The following HPSE2 variants were observed in gnomAD, a reference collection of about 807,000 sequenced individuals.
The protein encoded by HPSE2 is heparanase 2 (inactive), also known as inactive heparanase-2.
A neutral mutation model predicts 60.5 loss-of-function variants in HPSE2; 38 were observed. The observed-to-expected ratio is 0.63, with a 90% CI of 0.48 to 0.82. The LOEUF is 0.82. HPSE2 is among the 40% of genes least tolerant of loss of function. The pLI, the probability that HPSE2 is intolerant of heterozygous loss-of-function variation, is 0.00. For missense variants in HPSE2, 713 were observed against 740.4 expected (o/e 0.96, Z 0.43); for synonymous variants, 295 against 293.2 (o/e 1.01, Z -0.06).
chr10:99,139,351 A>G (rs1845780156), intron 3 of HPSE2, among the ~76,000 whole-genome samples: 1 of 152,172 alleles, frequency 6.6e-6, no homozygotes, highest in Non-Finnish European at 1.5e-5. Context: ...TACTCAAGTG[A>G]CGGGTGCACT....
intron 2 of HPSE2, among the ~76,000 whole-genome samples, chr10:99,211,326 T>C (rs1192595210): frequency 6.6e-6 from 1 of 152,112 alleles, no homozygotes; most frequent in African/African-American, 2.4e-5. Context: ...AAAATCCCAA[T>C]GGTATTTTTC....
chr10:98,493,754 C>T (rs1941737250), intron 9 of HPSE2, among the ~76,000 whole-genome samples: 1 of 152,168 alleles, frequency 6.6e-6, no homozygotes, highest in Admixed American at 6.5e-5. Context: ...CTGCCAACCT[C>T]TGTCTTTTGA....
At chr10:99,096,370 T>C (rs1366542804) in intron 3 of HPSE2, among the ~76,000 whole-genome samples, 1 of 152,212 alleles carries the variant, frequency 6.6e-6, no homozygotes, top group Non-Finnish European at 1.5e-5. Context: ...TGGGCACTTA[T>C]CTAAGTGCTT....
chr10:99,139,315 A>T (rs1487278470), intron 3 of HPSE2, among the ~76,000 whole-genome samples: 1 of 152,114 alleles, frequency 6.6e-6, no homozygotes, highest in African/African-American at 2.4e-5. Flanking sequence ...AAAAACAAAA[A>T]ACTAGATATT....
At chr10:98,823,503 G>A (rs748986325) in intron 3 of HPSE2, among the ~76,000 whole-genome samples, 2 of 152,138 alleles carry the variant, frequency 1.3e-5, no homozygotes, top group African/African-American at 2.4e-5. Context: ...GCACATGCCT[G>A]TAGTCCCAGC....
In HPSE2 at chr10:99,161,705, T is replaced by C. The variant is rs188016156; in HGVS notation, c.449-17306A>G. ...TGTAAATTATAGCTCCAAAAAAAGC[T>C]ATCAAAAAGTCACAAAAATAATACA... On this transcript the variant is annotated intron_variant, in intron 2 of 11. Transcript: ENST00000370552. 4.7e-4 allele frequency among the ~76,000 whole-genome samples: 72 copies of C among 152,274 alleles called. 1 individual carries two copies. In the East Asian group the frequency reaches 0.013, roughly 28 times the overall value.
chr10:99,100,730 G>A (rs903291560), intron 3 of HPSE2, among the ~76,000 whole-genome samples: 2 of 152,112 alleles, frequency 1.3e-5, no homozygotes, highest in Non-Finnish European at 2.9e-5. Context: ...AAATGTTAAG[G>A]GCAGCCAGAG....
chr10:98,851,924 T>C (rs184015492), intron 3 of HPSE2, among the ~76,000 whole-genome samples: 1 of 152,290 alleles, frequency 6.6e-6, no homozygotes, highest in African/African-American at 2.4e-5. Flanking sequence ...GAGAAACAGA[T>C]ACTGTAATTA....
At chr10:98,526,197 G>A (rs1430595876) in intron 9 of HPSE2, among the ~76,000 whole-genome samples, 1 of 152,200 alleles carries the variant, frequency 6.6e-6, no homozygotes, top group Non-Finnish European at 1.5e-5. Flanking sequence ...AAGACTGGGT[G>A]TAGCAAGGAA....
At chr10:98,850,432 A>G (rs1295907425) in intron 3 of HPSE2, among the ~76,000 whole-genome samples, 1 of 152,152 alleles carries the variant, frequency 6.6e-6, no homozygotes. Flanking sequence ...CAGGTATTAT[A>G]GTGAGTTAAA....
chr10:98,840,397 A>G (rs1951882468), intron 3 of HPSE2, among the ~76,000 whole-genome samples: 1 of 152,224 alleles, frequency 6.6e-6, no homozygotes, highest in South Asian at 2.1e-4. Flanking sequence ...GTATGAAGAA[A>G]GAATAAATCT....
the HPSE2 span, among the ~76,000 whole-genome samples, chr10:99,295,255 T>C: frequency 6.6e-5 from 10 of 152,122 alleles, no homozygotes; most frequent in African/African-American, 2.4e-4. Context: ...GTACCCAAAT[T>C]AAGATGTCCA....
intron 2 of HPSE2, among the ~76,000 whole-genome samples, chr10:99,210,426 C>G (rs1455860728): frequency 6.6e-6 from 1 of 152,058 alleles, no homozygotes; most frequent in Non-Finnish European, 1.5e-5. Flanking sequence ...TTTATGAGAC[C>G]AGAATTACCT....
intron 3 of HPSE2, among the ~76,000 whole-genome samples, chr10:99,078,353 G>A (rs1843016413): frequency 6.6e-6 from 1 of 152,154 alleles, no homozygotes; most frequent in South Asian, 2.1e-4. Context: ...ATCCATGGAT[G>A]CTCAAGTCTC....
At chr10:98,514,806 C>T (rs1318874811) in intron 9 of HPSE2, among the ~76,000 whole-genome samples, 2 of 150,316 alleles carry the variant, frequency 1.3e-5, no homozygotes, top group Non-Finnish European at 3.0e-5. Context: ...GCAACCTCCA[C>T]CTACCTGGAT....
intron 3 of HPSE2, among the ~76,000 whole-genome samples, chr10:98,907,237 G>C (rs1375326935): frequency 6.6e-6 from 1 of 152,128 alleles, no homozygotes; most frequent in Admixed American, 6.5e-5. Context: ...ACAAATTATA[G>C]AGTCTTTTTG....
intron 6 of HPSE2, among the ~76,000 whole-genome samples, chr10:98,682,182 T>C (rs778288785): frequency 6.6e-6 from 1 of 152,184 alleles, no homozygotes; most frequent in Non-Finnish European, 1.5e-5. Flanking sequence ...TCCCAAGATC[T>C]GGTTGTTGAA....
chr10:98,802,305 T>TA (rs1330603128), intron 3 of HPSE2, among the ~76,000 whole-genome samples: 2 of 151,262 alleles, frequency 1.3e-5, no homozygotes, highest in African/African-American at 2.4e-5. Context: ...TTTTTATTTT[T>TA]TTTTTGAGTT....
At chr10:99,096,087 T>C (rs1352323988) in intron 3 of HPSE2, among the ~76,000 whole-genome samples, 1 of 152,208 alleles carries the variant, frequency 6.6e-6, no homozygotes, top group Non-Finnish European at 1.5e-5. Flanking sequence ...CTTCTTCAAA[T>C]CTTCATAAAG....
Sources: allele counts gnomAD v4.1 joint callset (sites outside exome capture counted in the v4.1 genomes callset), GRCh38; gene constraint gnomAD v4.1.1; transcripts MANE v1.5; gene names NCBI Gene and HGNC (gene_info 2026-07-23, HGNC 2026-07-21).